Variants in INPP4B observed in about 807,000 individuals in gnomAD.
INPP4B encodes the protein inositol polyphosphate 4-phosphatase type II.
In INPP4B, 55 loss-of-function variants were observed where a neutral mutation model predicts 122.5. The ratio of observed to expected loss-of-function variants is 0.45; its 90% CI spans 0.36 to 0.56. The LOEUF (loss-of-function observed/expected upper bound fraction) is 0.56, where lower values mean the gene tolerates loss of function less well. INPP4B is among the 20% of genes least tolerant of loss of function. The pLI is 0.00. For synonymous variants in INPP4B, 403 were observed against 388.7 expected, an observed-to-expected ratio of 1.04 and a Z score of -0.43; for missense variants, 1,000 against 1,097.7, an observed-to-expected ratio of 0.91 and a Z score of 1.26.
At chr4:142,525,048 T>C (rs917620767) in intron 2 of INPP4B, among the ~76,000 whole-genome samples, 7 of 151,202 alleles carry the variant, frequency 4.6e-5, no homozygotes, top group African/African-American at 1.7e-4. Context: ...AGTCTCAGGA[T>C]ACAAAATCAA....
At chr4:142,102,384 A>C (rs946173419) in intron 23 of INPP4B, among the ~76,000 whole-genome samples, 1 of 151,938 alleles carries the variant, frequency 6.6e-6, no homozygotes. Context: ...TAATTATTCT[A>C]AAAGAATTTA....
At chr4:142,323,217 C>T (rs1385397137) in intron 7 of INPP4B, among the ~76,000 whole-genome samples, 1 of 152,002 alleles carries the variant, frequency 6.6e-6, no homozygotes, top group Non-Finnish European at 1.5e-5. Flanking sequence ...CCAGACCATT[C>T]TCTAGAAGTC....
At chr4:142,040,042 G>C (rs559113001) in intron 25 of INPP4B, among the ~76,000 whole-genome samples, 1 of 151,544 alleles carries the variant, frequency 6.6e-6, no homozygotes, top group East Asian at 1.9e-4. Context: ...GGGTTGGGGG[G>C]GTAATACAGA....
rs559429302 is a variant in INPP4B at position 142,750,654 on chromosome 4, A to C, written c.-253-24753T>G. ...CCTGGATGTAATGGGAAGAGGTCTGAGAGCAGGTGGTGCTGGTGCAGCATA... is the reference window on the plus strand; with the variant it reads ...CCTGGATGTAATGGGAAGAGGTCTGCGAGCAGGTGGTGCTGGTGCAGCATA... On this transcript the variant is annotated intron_variant, in intron 1 of 25. Transcript: ENST00000262992. Among the ~76,000 whole-genome samples, 3 of 152,242 alleles carry C rather than the reference A, an allele frequency of 2.0e-5. No homozygotes were observed. The South Asian group carries it at 6.2e-4, about 32-fold the overall frequency.
At chr4:142,758,952 CAAA>C (rs374234375) in intron 1 of INPP4B, among the ~76,000 whole-genome samples, 7 of 96,820 alleles carry the variant, frequency 7.2e-5, no homozygotes, top group Admixed American at 1.2e-4. Context: ...GACTCAGTCT[CAAA>C]AAAAAAAAAA....
chr4:142,581,408 T>C (rs1042473641), intron 2 of INPP4B, among the ~76,000 whole-genome samples: 2 of 151,968 alleles, frequency 1.3e-5, no homozygotes, highest in Non-Finnish European at 2.9e-5. Flanking sequence ...AGGTTATTGA[T>C]TGATATACTA....
chr4:142,330,552 C>T (rs1427002581), intron 7 of INPP4B, among the ~76,000 whole-genome samples: 6 of 152,060 alleles, frequency 3.9e-5, no homozygotes, highest in East Asian at 1.9e-4. Flanking sequence ...CACATACACG[C>T]GCACGCACAC....
intron 14 of INPP4B, among the ~76,000 whole-genome samples, chr4:142,202,209 C>T (rs1840923565): frequency 6.6e-6 from 1 of 151,910 alleles, no homozygotes. Flanking sequence ...AATAGGGCTG[C>T]CTTGTAGCCT....
intron 7 of INPP4B, among the ~76,000 whole-genome samples, chr4:142,355,638 T>C (rs1373127943): frequency 6.6e-6 from 1 of 152,090 alleles, no homozygotes; most frequent in Non-Finnish European, 1.5e-5. Flanking sequence ...TGAAAAGTCA[T>C]GACCTTCTTA....
intron 3 of INPP4B, among the ~76,000 whole-genome samples, chr4:142,434,920 A>C (rs1810105278): frequency 6.6e-6 from 1 of 152,114 alleles, no homozygotes. Flanking sequence ...AAAAAGGCAT[A>C]ATGTTTTAAG....
chr4:142,341,407 T>C (rs1261709553), intron 7 of INPP4B, among the ~76,000 whole-genome samples: 1 of 93,408 alleles, frequency 1.1e-5, no homozygotes, highest in Non-Finnish European at 2.2e-5. Flanking sequence ...AAAAATACAG[T>C]GGTTAATACA....
At position 142,208,998 on chromosome 4, in the gene INPP4B, G is replaced by A; in HGVS notation, c.865C>T (p.Leu289Phe). ...CGCAGATTGTCCCAATGTGGAGAAA[G>A]CTCACCAAGTTCTTTTATCTCCTGG... is the stretch of plus-strand genomic sequence containing the variant. ...RNQEIKELGE[L>F]SPHWDNLRKN... The change falls in exon 13 of 26, where the codon CTT (leucine) becomes TTT (phenylalanine). Residue 289 changes from leucine to phenylalanine, a missense_variant. Leu to Phe is a conservative substitution (Grantham distance 22, BLOSUM62 0). Coordinates refer to ENST00000262992, the MANE Select transcript of INPP4B (RefSeq NM_001101669.3). The A allele has an allele frequency of 6.2e-7, 1 of 1,603,682 alleles. No homozygotes were observed.
chr4:142,516,784 T>G (rs1467707396), intron 2 of INPP4B, among the ~76,000 whole-genome samples: 1 of 151,636 alleles, frequency 6.6e-6, no homozygotes, highest in Non-Finnish European at 1.5e-5. Context: ...TTTCCCCCAG[T>G]CAGGTTACTA....
chr4:142,729,003 A>G (rs529820529), intron 1 of INPP4B, among the ~76,000 whole-genome samples: 1 of 152,290 alleles, frequency 6.6e-6, no homozygotes, highest in South Asian at 2.1e-4. Flanking sequence ...TTTTGGCACC[A>G]GGACAATTTT....
intron 1 of INPP4B, among the ~76,000 whole-genome samples, chr4:142,786,620 A>G (rs1775799923): frequency 1.3e-5 from 2 of 152,158 alleles, no homozygotes; most frequent in South Asian, 4.1e-4. Flanking sequence ...GTGAAGAAAC[A>G]CAACACACAG....
chr4:142,749,481 C>T (rs996892973), intron 1 of INPP4B, among the ~76,000 whole-genome samples: 1 of 149,500 alleles, frequency 6.7e-6, no homozygotes, highest in East Asian at 2.0e-4. Context: ...AAAGAGTAAA[C>T]CAATTAAAAG....
chr4:142,717,995 T>C (rs1389062739), intron 2 of INPP4B, among the ~76,000 whole-genome samples: 1 of 150,482 alleles, frequency 6.6e-6, no homozygotes, highest in Non-Finnish European at 1.5e-5. Context: ...GAGAAAAAAG[T>C]TAAATTCTAG....
At chr4:142,676,477 T>A (rs74457914) in intron 2 of INPP4B, among the ~76,000 whole-genome samples, 1 of 152,104 alleles carries the variant, frequency 6.6e-6, no homozygotes, top group Non-Finnish European at 1.5e-5. Flanking sequence ...CTTCACAGAA[T>A]TGGAAAAAAC....
chr4:142,251,706 G>A (rs561825559), intron 11 of INPP4B, among the ~76,000 whole-genome samples: 2 of 152,256 alleles, frequency 1.3e-5, no homozygotes, highest in African/African-American at 4.8e-5. Context: ...TAAACATATT[G>A]CTCAATTAAA....
Sources: gnomAD v4.1 joint callset for allele counts (sites outside exome capture counted in the v4.1 genomes callset) on GRCh38, gnomAD v4.1.1 for gene constraint, MANE v1.5 for transcripts, NCBI Gene and HGNC (gene_info 2026-07-23, HGNC 2026-07-21) for gene names.